Variants in GPR141 observed in about 807,000 individuals in gnomAD.
GPR141 encodes the protein probable G protein-coupled receptor 141.
A neutral mutation model predicts 6.8 loss-of-function variants in GPR141; 6 were observed. That is an observed-to-expected ratio of 0.88 (90% CI 0.48 to 1.74). The LOEUF is 1.74. GPR141 is among the 40% of genes most tolerant of loss of function. The pLI is 0.01. For missense variants in GPR141, 372 were observed against 372.9 expected (o/e 1.00, Z 0.02); for synonymous variants, 140 against 142.3 (o/e 0.98, Z 0.11).
chr7:37,732,026 GT>G (rs779359821), intron 2 of GPR141, among the ~76,000 whole-genome samples: 1,279 of 110,828 alleles, frequency 0.012, 11 homozygotes, highest in South Asian at 0.018. Context: ...TTCTTTGTTT[GT>G]TTTTTTTATT....
chr7:37,700,861 A>G (rs1330466823), intron 2 of GPR141, among the ~76,000 whole-genome samples: 7 of 152,118 alleles, frequency 4.6e-5, no homozygotes, highest in Non-Finnish European at 8.8e-5. Context: ...AATCTTTAAT[A>G]TCGCCACTAA....
intron 2 of GPR141, among the ~76,000 whole-genome samples, chr7:37,705,471 G>T (rs1317976489): frequency 6.6e-6 from 1 of 152,118 alleles, no homozygotes; most frequent in Non-Finnish European, 1.5e-5. Flanking sequence ...GTTGGATTCT[G>T]GCTTATGCTA....
At chr7:37,702,799 T>C (rs1292219406) in intron 2 of GPR141, among the ~76,000 whole-genome samples, 1 of 46,230 alleles carries the variant, frequency 2.2e-5, no homozygotes, top group Non-Finnish European at 3.9e-5. Context: ...TAAAACCCAG[T>C]TCAATTCAAA....
rs529399825 is a variant in GPR141 at position 37,710,662 on chromosome 7, T to A, written c.-15+25079T>A. On this transcript the variant is annotated intron_variant, in intron 2 of 2. Coordinates refer to ENST00000334425, the MANE Select transcript of GPR141 (RefSeq NM_001381946.1). ...ACTCACTTTAATAAGTATAAATAAA[T>A]GGTACTTTTAGTGGGAAATGGTATT... Among the ~76,000 whole-genome samples the A allele has an allele frequency of 6.6e-5, 10 of 152,334 alleles. No homozygotes were observed. In the South Asian group the frequency reaches 2.1e-3, roughly 32 times the overall value.
At chr7:37,700,111 C>T (rs935199130) in intron 2 of GPR141, among the ~76,000 whole-genome samples, 5 of 152,226 alleles carry the variant, frequency 3.3e-5, no homozygotes, top group African/African-American at 1.2e-4. Flanking sequence ...CTGAAACTCA[C>T]ACTTTTTCCA....
intron 2 of GPR141, among the ~76,000 whole-genome samples, chr7:37,690,480 T>C (rs557737835): frequency 1.1e-3 from 160 of 152,206 alleles, no homozygotes; most frequent in Non-Finnish European, 1.2e-3. Context: ...CCACAGTGAG[T>C]AAAATCTTCC....
intron 2 of GPR141, among the ~76,000 whole-genome samples, chr7:37,692,671 C>G (rs1208634698): frequency 6.6e-6 from 1 of 152,158 alleles, no homozygotes; most frequent in Non-Finnish European, 1.5e-5. Context: ...TGTTTCCTGG[C>G]TTTTTAATGA....
intron 2 of GPR141, among the ~76,000 whole-genome samples, chr7:37,730,252 C>T (rs1279200209): frequency 6.6e-6 from 1 of 152,190 alleles, no homozygotes; most frequent in Non-Finnish European, 1.5e-5. Context: ...GTACTTGACA[C>T]ATACCATGTT....
intron 2 of GPR141, among the ~76,000 whole-genome samples, chr7:37,703,110 T>G (rs1165586415): frequency 6.6e-6 from 1 of 152,158 alleles, no homozygotes; most frequent in African/African-American, 2.4e-5. Context: ...AAGGTCTTTA[T>G]TTTGCTCACA....
intron 2 of GPR141, among the ~76,000 whole-genome samples, chr7:37,687,041 A>G (rs1332306592): frequency 6.6e-6 from 1 of 152,084 alleles, no homozygotes; most frequent in African/African-American, 2.4e-5. Flanking sequence ...TGGGAAATCC[A>G]AAAGTCAAGT....
At chr7:37,708,953 T>C (rs550265375) in intron 2 of GPR141, among the ~76,000 whole-genome samples, 2 of 152,290 alleles carry the variant, frequency 1.3e-5, no homozygotes, top group African/African-American at 4.8e-5. Context: ...TAAATGACTC[T>C]GAAATGGAGG....
intron 2 of GPR141, among the ~76,000 whole-genome samples, chr7:37,712,743 C>T (rs531299287): frequency 6.6e-6 from 1 of 152,284 alleles, no homozygotes; most frequent in East Asian, 1.9e-4. Flanking sequence ...CAAAATGCCA[C>T]CTAATAAGTT....
chr7:37,726,982 G>T (rs1035815671), intron 2 of GPR141, among the ~76,000 whole-genome samples: 1 of 152,196 alleles, frequency 6.6e-6, no homozygotes, highest in Non-Finnish European at 1.5e-5. Context: ...ATAGAAAATG[G>T]AGTTCGTATT....
intron 2 of GPR141, among the ~76,000 whole-genome samples, chr7:37,719,035 A>G (rs553004544): frequency 6.6e-6 from 1 of 152,348 alleles, no homozygotes; most frequent in African/African-American, 2.4e-5. Context: ...CTGTGCGTGA[A>G]GAGTTTCACC....
chr7:37,707,141 G>A (rs1810561700), intron 2 of GPR141, among the ~76,000 whole-genome samples: 1 of 152,124 alleles, frequency 6.6e-6, no homozygotes, highest in East Asian at 1.9e-4. Flanking sequence ...GGTAACCTCA[G>A]GTCCTGAACC....
intron 2 of GPR141, among the ~76,000 whole-genome samples, chr7:37,704,340 G>T (rs1047752072): frequency 6.6e-6 from 1 of 152,026 alleles, no homozygotes; most frequent in African/African-American, 2.4e-5. Context: ...AATTTATAAA[G>T]GAAAGAAGTT....
At chr7:37,717,740 A>G (rs1306020255) in intron 2 of GPR141, among the ~76,000 whole-genome samples, 2 of 152,164 alleles carry the variant, frequency 1.3e-5, no homozygotes, top group Non-Finnish European at 2.9e-5. Flanking sequence ...GAATTTCTAC[A>G]ACATGCATCT....
chr7:37,708,325 A>AC (rs1810628513), intron 2 of GPR141, among the ~76,000 whole-genome samples: 4 of 151,382 alleles, frequency 2.6e-5, no homozygotes, highest in Non-Finnish European at 4.4e-5. Context: ...AAAAAAAAAA[A>AC]AAAAAAAAAA....
chr7:37,691,594 C>T (rs896080011), intron 2 of GPR141, among the ~76,000 whole-genome samples: 9 of 151,846 alleles, frequency 5.9e-5, no homozygotes, highest in Non-Finnish European at 1.2e-4. Context: ...TTTTCTGTTT[C>T]TCCTTTGTGT....
Sources: allele counts gnomAD v4.1 joint callset (sites outside exome capture counted in the v4.1 genomes callset), GRCh38; gene constraint gnomAD v4.1.1; transcripts MANE v1.5; gene names NCBI Gene and HGNC (gene_info 2026-07-23, HGNC 2026-07-21).